EMC2: variants seen among roughly 807,000 people sequenced by gnomAD.
EMC2 encodes the protein ER membrane protein complex subunit 2.
A neutral mutation model predicts 51.6 loss-of-function variants in EMC2; 37 were observed. The observed-to-expected ratio is 0.72, with a 90% CI of 0.55 to 0.94. The LOEUF is 0.94. Ranked by LOEUF, EMC2 falls within the 40% of genes least tolerant of loss-of-function variation. The pLI, the probability that EMC2 is intolerant of heterozygous loss-of-function variation, is 0.00. For missense variants in EMC2, 359 were observed against 350.9 expected (o/e 1.02, Z -0.18); for synonymous variants, 131 against 112.4 (o/e 1.17, Z -1.04).
At chr8:108,485,562 CACACACAT>C in intron 10 of EMC2, among the ~76,000 whole-genome samples, 1 of 140,574 alleles carries the variant, frequency 7.1e-6, no homozygotes, top group African/African-American at 2.6e-5. Context: ...TATACACACA[CACACACAT>C]ACACACACAA....
chr8:108,471,258 T>C (rs1810850727), intron 7 of EMC2, among the ~76,000 whole-genome samples: 1 of 151,982 alleles, frequency 6.6e-6, no homozygotes, highest in African/African-American at 2.4e-5. Context: ...TTTAAATACA[T>C]GAAATTGAAT....
chr8:108,453,073 A>G lies in EMC2; in HGVS notation c.231A>G (p.Gln77=), dbSNP rs1819066036. The G allele has an allele frequency of 6.3e-7, 1 of 1,591,314 alleles. No homozygotes were observed. Among genetic ancestry groups the G allele is most frequent in the Non-Finnish European group, 8.6e-7 (1 of 1,168,324 alleles). Residue 77 remains glutamine (Q), a synonymous_variant, in exon 4 of 11, where the codon CAA becomes CAG. Transcript: ENST00000220853. The part of the protein sequence containing the change: ...GRDDLALFCL[Q]ELRRQFPGSH... Reference sequence around the variant, plus strand: ...CCTTATTTTTTCAGTTTTGTCTTCAAGAGCTGAGAAGACAGTTCCCTGGCA... The same window carrying G: ...CCTTATTTTTTCAGTTTTGTCTTCAGGAGCTGAGAAGACAGTTCCCTGGCA...
chr8:108,458,484 G>T (rs1286854139), intron 5 of EMC2, among the ~76,000 whole-genome samples: 2 of 152,108 alleles, frequency 1.3e-5, no homozygotes, highest in African/African-American at 2.4e-5. Flanking sequence ...ATCTAGACAG[G>T]GGTTCCTAAA....
intron 3 of EMC2, 73 bp downstream of exon 3, chr8:108,450,565 G>T (rs376786974): frequency 1.1e-5 from 10 of 878,966 alleles, no homozygotes; most frequent in Admixed American, 1.7e-5. Context: ...TTAATGTATG[G>T]CTTATATGGA....
chr8:108,443,864 C>T (rs961739821), intron 1 of EMC2, among the ~76,000 whole-genome samples, 166 bp downstream of exon 1: 2 of 152,150 alleles, frequency 1.3e-5, no homozygotes, highest in African/African-American at 4.8e-5. Flanking sequence ...CTTCCCTTGG[C>T]CCGGACGCGT....
At chr8:108,477,442 C>A (rs1810967222) in intron 9 of EMC2, among the ~76,000 whole-genome samples, 1 of 151,934 alleles carries the variant, frequency 6.6e-6, no homozygotes, top group African/African-American at 2.4e-5. Flanking sequence ...AATCTGCTGA[C>A]CTTTAAAACA....
intron 4 of EMC2, among the ~76,000 whole-genome samples, chr8:108,455,560 T>C (rs1819130192): frequency 6.6e-6 from 1 of 152,206 alleles, no homozygotes; most frequent in East Asian, 1.9e-4. Flanking sequence ...TCCTGATGCT[T>C]GTTCTGTCTT....
At chr8:108,449,038 T>G (rs1027968438) in intron 1 of EMC2, among the ~76,000 whole-genome samples, 15 of 152,180 alleles carry the variant, frequency 9.9e-5, no homozygotes, top group African/African-American at 3.6e-4. Context: ...CTGATCCTAG[T>G]GTGTTTATTT....
rs748830893 is a variant in EMC2 at position 108,443,648 on chromosome 8, G to T, written c.-11G>T. ...CGCCCTCTCACCCCGCTGCCTCTAGGTTCTGGGAAGATGGCGAAGGTCTCA... is the reference window on the plus strand; with the variant it reads ...CGCCCTCTCACCCCGCTGCCTCTAGTTTCTGGGAAGATGGCGAAGGTCTCA... On this transcript the variant is annotated 5_prime_UTR_variant, in exon 1 of 11. Coordinates refer to ENST00000220853, the MANE Select transcript of EMC2 (RefSeq NM_014673.5). The T allele has an allele frequency of 1.2e-6, 2 of 1,608,040 alleles. No homozygotes were observed. Among genetic ancestry groups the T allele is most frequent in the African/African-American group, 2.7e-5 (2 of 74,808 alleles).
chr8:108,449,812 A>AT lies in EMC2; in HGVS notation c.41-4dup. 3.1e-6 allele frequency: 4 copies of AT among 1,274,506 alleles called. No homozygotes were observed. Among genetic ancestry groups the AT allele is most frequent in the Admixed American group, 1.7e-5 (1 of 57,216 alleles). 78.9% of individuals were successfully genotyped at this position (1,274,506 alleles called of 1,614,324 possible). ...TACATATACACTTAAATGTCATGTT[A>AT]TTTTTTTCAGAAATGAGAGATAAAA... is the stretch of plus-strand genomic sequence containing the variant. On this transcript the variant is annotated splice_polypyrimidine_tract_variant and intron_variant, in intron 1 of 10. Coordinates refer to ENST00000220853, the MANE Select transcript of EMC2 (RefSeq NM_014673.5).
intron 6 of EMC2, 38 bp downstream of exon 6, chr8:108,469,949 G>A (rs755263265): frequency 2.6e-6 from 4 of 1,564,602 alleles, no homozygotes; most frequent in South Asian, 2.2e-5. Context: ...TTGTTATTCT[G>A]ATAAATCTTT....
chr8:108,449,353 A>G (rs1195255809), intron 1 of EMC2, among the ~76,000 whole-genome samples: 2 of 151,540 alleles, frequency 1.3e-5, no homozygotes, highest in Admixed American at 6.6e-5. Context: ...GGCTCACGCA[A>G]TCTCTGCCTC....
Position 108,469,808 on chromosome 8 carries a change from A to G in EMC2, c.364-18A>G. ...AGGAATCATAAGGGCCTAATCCTTT[A>G]TTAATGTCAACCCACAGGCTGCAAG... is the stretch of plus-strand genomic sequence containing the variant. On this transcript the variant is annotated intron_variant, in intron 5 of 10. Coordinates refer to ENST00000220853, the MANE Select transcript of EMC2 (RefSeq NM_014673.5). 1 of 1,608,928 alleles carries G rather than the reference A, an allele frequency of 6.2e-7. No homozygotes were observed. The highest frequency in any genetic ancestry group is 1.1e-5 in the South Asian group (1 of 90,874).
rs909942549 is a variant in EMC2, at chr8:108,443,681, A to G, written c.23A>G (p.Tyr8Cys). MAKVSEL[Y>C]DVTWEEMRDK... is the part of the protein sequence containing the mutation. ...AAGATGGCGAAGGTCTCAGAGCTTT[A>G]CGATGTCACTTGGGAAGGTAACTTC... Residue 8 changes from tyrosine to cysteine, a missense_variant, in exon 1 of 11, where the codon TAC becomes TGC. Coordinates refer to ENST00000220853, the MANE Select transcript of EMC2 (RefSeq NM_014673.5). The G allele has an allele frequency of 2.5e-6, 4 of 1,610,088 alleles. No homozygotes were observed. The South Asian group carries it at 3.3e-5, about 13-fold the overall frequency.
chr8:108,455,765 G>T, intron 4 of EMC2, 108 bp from the exon 5 acceptor site: 6 of 453,052 alleles, frequency 1.3e-5, no homozygotes, highest in South Asian at 3.1e-5. Context: ...AATTATAAAT[G>T]CATTTAAATT....
chr8:108,463,312 T>C (rs377387640), intron 5 of EMC2, among the ~76,000 whole-genome samples: 8 of 152,326 alleles, frequency 5.3e-5, no homozygotes, highest in African/African-American at 1.9e-4. Flanking sequence ...AATCTAAAAC[T>C]AAGACAGGTG....
chr8:108,483,709 G>A (rs1033176232), intron 10 of EMC2, among the ~76,000 whole-genome samples: 1 of 151,978 alleles, frequency 6.6e-6, no homozygotes, highest in Non-Finnish European at 1.5e-5. Flanking sequence ...GGTTGTTTTT[G>A]TGTTTTTTTC....
At chr8:108,483,462 A>G (rs1489551876) in intron 10 of EMC2, among the ~76,000 whole-genome samples, 1 of 152,204 alleles carries the variant, frequency 6.6e-6, no homozygotes, top group African/African-American at 2.4e-5. Context: ...TGCTTGTGCT[A>G]TAACTTTGTA....
At chr8:108,470,037 C>T in intron 6 of EMC2, 25 bp from the exon 7 acceptor site, 1 of 1,604,280 alleles carries the variant, frequency 6.2e-7, no homozygotes, top group Non-Finnish European at 8.5e-7. Context: ...TACACACTTA[C>T]TTTTTTTTCT....
Sources: allele counts gnomAD v4.1 joint callset (sites outside exome capture counted in the v4.1 genomes callset), GRCh38; gene constraint gnomAD v4.1.1; transcripts MANE v1.5; gene names NCBI Gene and HGNC (gene_info 2026-07-23, HGNC 2026-07-21).